Variants in DNAJB12 observed in about 807,000 individuals in gnomAD.
DNAJB12 encodes dnaJ homolog subfamily B member 12.
DNAJB12 carries 14 observed loss-of-function variants against 40.6 expected under a neutral mutation model. The ratio of observed to expected loss-of-function variants is 0.34; its 90% confidence interval spans 0.23 to 0.54. The LOEUF (loss-of-function observed/expected upper bound fraction) is 0.54. DNAJB12 is among the 20% of genes least tolerant of loss of function. DNAJB12 has a pLI of 0.92. For missense variants in DNAJB12, 444 were observed against 501.7 expected (o/e 0.89, Z 1.10); for synonymous variants, 181 against 199.5 (o/e 0.91, Z 0.78).
chr10:72,346,863 A>C (rs1445903050), intron 1 of DNAJB12, among the ~76,000 whole-genome samples: 1 of 152,012 alleles, frequency 6.6e-6, no homozygotes, highest in Non-Finnish European at 1.5e-5. Flanking sequence ...ATTTTTTTCT[A>C]CTGAACTCAT....
chr10:72,353,027 A>G (rs1861971993), intron 1 of DNAJB12, among the ~76,000 whole-genome samples: 1 of 152,238 alleles, frequency 6.6e-6, no homozygotes. Context: ...TAAAGTTTAC[A>G]CGGATGCATA....
chr10:72,339,963 G>A (rs1861587201), intron 5 of DNAJB12, among the ~76,000 whole-genome samples: 1 of 151,802 alleles, frequency 6.6e-6, no homozygotes, highest in African/African-American at 2.4e-5. Context: ...TACCCACCTT[G>A]GCCTCCCAAA....
rs770457268 is a variant in DNAJB12, at chr10:72,343,511, C to G, written c.312G>C (p.Arg104Ser). 1 of 1,613,890 alleles carries G rather than the reference C, an allele frequency of 6.2e-7. No homozygotes were observed. Among genetic ancestry groups the G allele is most frequent in the African/African-American group, 1.3e-5 (1 of 74,870 alleles). Residue 104 changes from arginine to serine, a missense_variant and splice_region_variant, in exon 3 of 9, where the codon AGG becomes AGC. By Grantham distance (110) the Arg-to-Ser change is moderately radical. Transcript: ENST00000444643. ...YTAEQVAAVK[R>S]VKQCKDYYEI... ...CATAGTAATCTTTACATTGCTTGAC[C>G]CTGGGGAAGGAGGAGACCATGGTAC... is the stretch of plus-strand genomic sequence containing the variant.
intron 1 of DNAJB12, among the ~76,000 whole-genome samples, chr10:72,350,013 A>G (rs1861893384): frequency 6.6e-6 from 1 of 152,110 alleles, no homozygotes; most frequent in South Asian, 2.1e-4. Flanking sequence ...TTAGAAAAGG[A>G]AGGGAATTCG....
intron 1 of DNAJB12, among the ~76,000 whole-genome samples, chr10:72,349,862 G>A (rs1861890323): frequency 6.6e-6 from 1 of 152,166 alleles, no homozygotes; most frequent in East Asian, 1.9e-4. Context: ...ATTTCCAGTT[G>A]CTGGCAAGTA....
Position 72,344,878 on chromosome 10 carries a change from G to A in DNAJB12, c.311+72C>T, listed in dbSNP as rs1589129821. 7 of 1,566,406 alleles carry A rather than the reference G, an allele frequency of 4.5e-6. No homozygotes were observed. The East Asian group carries it at 9.0e-5, about 20-fold the overall frequency. On this transcript the variant is annotated intron_variant, in intron 2 of 8. Transcript: ENST00000444643. ...TGCTGCCCACAGGCAGATGGGAGGT[G>A]GAGGACATGCTCCAGGAAGCCTCTA...
chr10:72,352,645 T>A (rs1861962167), intron 1 of DNAJB12, among the ~76,000 whole-genome samples: 1 of 152,194 alleles, frequency 6.6e-6, no homozygotes, highest in African/African-American at 2.4e-5. Flanking sequence ...AACCTTGGGT[T>A]TATTTTTTGT....
Position 72,334,093 on chromosome 10 carries a change from C to A in DNAJB12, c.*555G>T, listed in dbSNP as rs374585791. 6.6e-6 allele frequency: 1 copy of A among 152,006 alleles called. No individual in the cohort carries two copies. Among genetic ancestry groups the A allele is most frequent in the South Asian group, 1.9e-4 (1 of 5,270 alleles). 9.4% of individuals were successfully genotyped at this position (152,006 alleles called of 1,614,324 possible). On this transcript the variant is annotated 3_prime_UTR_variant, in exon 9 of 9. Coordinates refer to ENST00000444643, the MANE Select transcript of DNAJB12 (RefSeq NM_017626.7). ...TCAGCTCAACAACTTAACCAAATCCCTGCAGAGTTTAAAAAGTAGACTATA... is the reference window on the plus strand; with the variant it reads ...TCAGCTCAACAACTTAACCAAATCCATGCAGAGTTTAAAAAGTAGACTATA...
At chr10:72,350,668 A>G (rs188505649) in intron 1 of DNAJB12, among the ~76,000 whole-genome samples, 3 of 152,304 alleles carry the variant, frequency 2.0e-5, no homozygotes, top group Admixed American at 1.3e-4. Flanking sequence ...CGGTGCTCAC[A>G]GTGAGTCAGA....
At chr10:72,338,699 C>T (rs1589124655) in intron 5 of DNAJB12, among the ~76,000 whole-genome samples, 1 of 152,116 alleles carries the variant, frequency 6.6e-6, no homozygotes, top group South Asian at 2.1e-4. Flanking sequence ...GCCAGTGTGG[C>T]GGCTCATGCC....
At chr10:72,350,115 G>C (rs1204677292) in intron 1 of DNAJB12, among the ~76,000 whole-genome samples, 1 of 152,086 alleles carries the variant, frequency 6.6e-6, no homozygotes, top group East Asian at 1.9e-4. Context: ...ACTAGAGTTA[G>C]ATTTGGCCGG....
At chr10:72,352,982 A>C (rs181115397) in intron 1 of DNAJB12, among the ~76,000 whole-genome samples, 227 of 152,340 alleles carry the variant, frequency 1.5e-3, no homozygotes, top group Non-Finnish European at 2.8e-3. Flanking sequence ...AACTAATCCC[A>C]GGTCTTTGTC....
chr10:72,348,492 G>A (rs1197911968), intron 1 of DNAJB12, among the ~76,000 whole-genome samples: 2 of 152,206 alleles, frequency 1.3e-5, no homozygotes, highest in Admixed American at 6.5e-5. Flanking sequence ...CTTCAAACAC[G>A]CCAGGTGCCT....
chr10:72,343,186 T>C (rs112683247), intron 3 of DNAJB12, among the ~76,000 whole-genome samples, 180 bp downstream of exon 3: 7 of 152,310 alleles, frequency 4.6e-5, no homozygotes, highest in African/African-American at 1.7e-4. Flanking sequence ...CAACTCTACA[T>C]AGCTAGAGGT....
chr10:72,341,370 G>C (rs150571106), intron 3 of DNAJB12, among the ~76,000 whole-genome samples, 200 bp from the exon 4 acceptor site: 1 of 152,274 alleles, frequency 6.6e-6, no homozygotes, highest in Non-Finnish European at 1.5e-5. Flanking sequence ...AGCCTGGCTG[G>C]GTGGAGGGTA....
At chr10:72,336,893 G>A (rs2131979410) in intron 6 of DNAJB12, 197 bp from the exon 7 acceptor site, 11 of 490,948 alleles carry the variant, frequency 2.2e-5, no homozygotes, top group Middle Eastern at 5.3e-4. Context: ...ACGTGGCCCA[G>A]ACCGCAGGAC....
intron 2 of DNAJB12, among the ~76,000 whole-genome samples, chr10:72,343,949 G>T (rs1861712634): frequency 6.6e-6 from 1 of 151,702 alleles, no homozygotes; most frequent in African/African-American, 2.4e-5. Flanking sequence ...TAGAGACAGG[G>T]TCTTCTAATT....
intron 1 of DNAJB12, among the ~76,000 whole-genome samples, chr10:72,352,491 T>C (rs750455189): frequency 6.6e-6 from 1 of 152,186 alleles, no homozygotes; most frequent in Non-Finnish European, 1.5e-5. Context: ...ATTATTTTTA[T>C]GCACTTGCTA....
At chr10:72,338,170 T>TGCCCATGGCCCGGCCTC in intron 6 of DNAJB12, 32 bp downstream of exon 6, 1 of 1,587,676 alleles carries the variant, frequency 6.3e-7, no homozygotes, top group Admixed American at 1.7e-5. Context: ...GCCCCTTGTC[T>TGCCCATGGCCCGGCCTC]GCCCATGGCC....
Sources: allele counts gnomAD v4.1 joint callset (sites outside exome capture counted in the v4.1 genomes callset), GRCh38; gene constraint gnomAD v4.1.1; transcripts MANE v1.5; gene names NCBI Gene and HGNC (gene_info 2026-07-23, HGNC 2026-07-21).